The following SCFD2 variants were observed in gnomAD, a reference collection of about 807,000 sequenced individuals.
The protein encoded by SCFD2 is sec1 family domain-containing protein 2.
SCFD2 carries 54 observed loss-of-function variants against 58.9 expected under a neutral mutation model. The ratio of observed to expected loss-of-function variants is 0.92; its 90% CI spans 0.74 to 1.15. SCFD2 has a LOEUF of 1.15. SCFD2 is among the 50% of genes most tolerant of loss of function. SCFD2 has a pLI of 0.00. For synonymous variants in SCFD2, 321 were observed against 335.9 expected, an observed-to-expected ratio of 0.96 and a Z score of 0.49; for missense variants, 805 against 836.6, an observed-to-expected ratio of 0.96 and a Z score of 0.47.
chr4:52,923,515 A>AATAAATAAATAAATAG (rs1457389314), intron 5 of SCFD2, among the ~76,000 whole-genome samples: 8 of 150,196 alleles, frequency 5.3e-5, no homozygotes, highest in African/African-American at 2.0e-4. Context: ...TAAATAAATA[A>AATAAATAAATAAATAG]ATGTGTGGTC....
Position 53,168,199 on chromosome 4 carries a change from C to T in SCFD2, c.1312-22617G>A, listed in dbSNP as rs576533361. Among the ~76,000 whole-genome samples, 19 of 152,272 alleles carry T rather than the reference C, an allele frequency of 1.2e-4. No homozygotes were observed. The East Asian group carries it at 3.1e-3, about 25-fold the overall frequency. On this transcript the variant is annotated intron_variant, in intron 4 of 8. Transcript: ENST00000401642. ...CCTTGCAGGAATCCAGAAATTTGGACTTGGGTTGCCTTACAGGTGGGAGAA... is the reference window on the plus strand; with the variant it reads ...CCTTGCAGGAATCCAGAAATTTGGATTTGGGTTGCCTTACAGGTGGGAGAA...
chr4:52,953,984 T>G (rs1199360891), intron 5 of SCFD2, among the ~76,000 whole-genome samples: 3 of 152,154 alleles, frequency 2.0e-5, no homozygotes, highest in Non-Finnish European at 4.4e-5. Context: ...CTACTAGCTA[T>G]GTAACTGTGG....
chr4:53,170,421 T>C (rs1727146852), intron 4 of SCFD2, among the ~76,000 whole-genome samples: 1 of 152,238 alleles, frequency 6.6e-6, no homozygotes, highest in Admixed American at 6.5e-5. Flanking sequence ...TATCATGCTA[T>C]TGTAATTACT....
chr4:52,893,683 G>A (rs1718934207), intron 7 of SCFD2, among the ~76,000 whole-genome samples: 1 of 152,190 alleles, frequency 6.6e-6, no homozygotes, highest in Non-Finnish European at 1.5e-5. Flanking sequence ...CCAACTAGAG[G>A]CCCTTCCCTG....
At chr4:53,093,896 T>C (rs76861710) in intron 5 of SCFD2, among the ~76,000 whole-genome samples, 2,966 of 152,198 alleles carry the variant, frequency 0.019, 70 homozygotes, top group East Asian at 0.11. Flanking sequence ...AGGGAAAACA[T>C]TTCACTGTAT....
intron 2 of SCFD2, among the ~76,000 whole-genome samples, chr4:53,342,335 C>A (rs868130368): frequency 3.3e-5 from 5 of 152,026 alleles, no homozygotes; most frequent in South Asian, 2.1e-4. Context: ...AGACTTTAAA[C>A]CAACAAAGAT....
At chr4:53,178,791 G>A (rs1727436244) in intron 4 of SCFD2, among the ~76,000 whole-genome samples, 2 of 152,188 alleles carry the variant, frequency 1.3e-5, no homozygotes, top group South Asian at 4.1e-4. Context: ...AACCAATGCA[G>A]AGAAGTCCTT....
chr4:52,895,858 C>T (rs1577806011), intron 7 of SCFD2, among the ~76,000 whole-genome samples: 1 of 152,168 alleles, frequency 6.6e-6, no homozygotes, highest in African/African-American at 2.4e-5. Context: ...GCCATTCTAA[C>T]TGGTGTGAGA....
In SCFD2 at chr4:53,365,942, G is replaced by A; in HGVS notation, c.-1C>T. 1 of 1,522,040 alleles carries A rather than the reference G, an allele frequency of 6.6e-7. No homozygotes were observed. Among genetic ancestry groups the A allele is most frequent in the Non-Finnish European group, 8.8e-7 (1 of 1,140,590 alleles). The allele number at this position is 1,522,040 out of a possible 1,614,324, so 94.3% of individuals were successfully genotyped here. A position where few individuals can be genotyped will look rare whatever the true frequency, so the allele number is the denominator to read the frequency against. Reference sequence around the variant, plus strand: ...AGGACAGTACGCCCGAGGCGCTCATGGTTGGGGATTCGCAGACTTGGGAAA... The same window carrying A: ...AGGACAGTACGCCCGAGGCGCTCATAGTTGGGGATTCGCAGACTTGGGAAA... On this transcript the variant is annotated 5_prime_UTR_variant, in exon 1 of 9. Transcript: ENST00000401642. The surrounding 1 kb of genome is among the most constrained non-coding windows in gnomAD (Gnocchi z 4.3).
At chr4:53,242,582 C>T (rs1383725615) in intron 4 of SCFD2, among the ~76,000 whole-genome samples, 1 of 152,224 alleles carries the variant, frequency 6.6e-6, no homozygotes, top group Admixed American at 6.5e-5. Context: ...GTCTTCTTCC[C>T]TCCAAATGAC....
chr4:53,179,440 C>A (rs1469325144), intron 4 of SCFD2, among the ~76,000 whole-genome samples: 3 of 152,160 alleles, frequency 2.0e-5, no homozygotes, highest in Non-Finnish European at 2.9e-5. Flanking sequence ...ACTTTACAGA[C>A]AAGCAAATGC....
intron 5 of SCFD2, among the ~76,000 whole-genome samples, chr4:52,931,603 T>C (rs1373100619): frequency 3.9e-5 from 6 of 152,370 alleles, no homozygotes; most frequent in Non-Finnish European, 7.3e-5. Flanking sequence ...AGATGAAAAC[T>C]TACAGTGAGG....
intron 2 of SCFD2, among the ~76,000 whole-genome samples, chr4:53,336,999 C>T (rs1251439698): frequency 1.3e-5 from 2 of 151,712 alleles, no homozygotes; most frequent in East Asian, 3.9e-4. Context: ...TGAGATACCA[C>T]TTCACACTCA....
Position 53,283,927 on chromosome 4 carries a change from T to C in SCFD2, c.1136-9926A>G, listed in dbSNP as rs1381277480. ...GGTCAGGAGATCGAGACCATCCTGG[T>C]TAACACAGTGAAACCCCCGTCTCTA... On this transcript the variant is annotated intron_variant, in intron 3 of 8. Transcript: ENST00000401642. Among the ~76,000 whole-genome samples, 3 of 151,618 alleles carry C rather than the reference T, an allele frequency of 2.0e-5. No individual in the cohort carries two copies. The East Asian group carries it at 5.9e-4, about 30-fold the overall frequency.
intron 7 of SCFD2, among the ~76,000 whole-genome samples, chr4:52,886,596 A>G (rs1718747249): frequency 6.6e-6 from 1 of 152,226 alleles, no homozygotes. Flanking sequence ...CCCAGGGCCT[A>G]GCAAGGCCTG....
In SCFD2 at chr4:53,050,261, G is replaced by T. The variant is rs986787239; in HGVS notation, c.1561+95072C>A. Among the ~76,000 whole-genome samples the T allele has an allele frequency of 1.8e-4, 28 of 152,192 alleles. No individual in the cohort carries two copies. The East Asian group carries it at 2.5e-3, about 14-fold the overall frequency. ...ATTCCCCCAATAATGGTGGACAAAT[G>T]AGGTGTTGATTAGACATTTTCAAAA... is the stretch of plus-strand genomic sequence containing the variant. On this transcript the variant is annotated intron_variant, in intron 5 of 8. Transcript: ENST00000401642.
chr4:53,260,909 G>C (rs892245247), intron 4 of SCFD2, among the ~76,000 whole-genome samples: 3 of 152,018 alleles, frequency 2.0e-5, no homozygotes, highest in African/African-American at 7.2e-5. Context: ...GCTGCTTGTT[G>C]TTGGTCTGTT....
intron 2 of SCFD2, among the ~76,000 whole-genome samples, chr4:53,317,884 A>T (rs1732912727): frequency 6.6e-6 from 1 of 152,210 alleles, no homozygotes; most frequent in African/African-American, 2.4e-5. Context: ...AAGCACCTAG[A>T]ACAAATCCTG....
chr4:53,049,672 G>A (rs766613096), intron 5 of SCFD2, among the ~76,000 whole-genome samples: 1 of 152,228 alleles, frequency 6.6e-6, no homozygotes, highest in Middle Eastern at 3.4e-3. Flanking sequence ...CATAGTGAAT[G>A]GAAGGCATGC....
Sources: allele counts gnomAD v4.1 joint callset (sites outside exome capture counted in the v4.1 genomes callset), GRCh38; gene constraint gnomAD v4.1.1; non-coding constraint Gnocchi (gnomAD v3.1); transcripts MANE v1.5; gene names NCBI Gene and HGNC (gene_info 2026-07-23, HGNC 2026-07-21).